The following PACSIN2 variants were observed in gnomAD, a reference collection of about 807,000 sequenced individuals.
PACSIN2 encodes the protein protein kinase C and casein kinase substrate in neurons 2, also known as protein kinase C and casein kinase substrate in neurons protein 2.
PACSIN2 carries 25 observed loss-of-function variants against 63.8 expected under a neutral mutation model. The observed-to-expected ratio is 0.39, with a 90% CI of 0.29 to 0.55. The LOEUF is 0.55. PACSIN2 is among the 20% of genes least tolerant of loss of function. The probability of loss-of-function intolerance (pLI) is 0.62; values close to 1 mark genes in which losing one functional copy is unlikely to be tolerated. For synonymous variants in PACSIN2, 255 were observed against 256.2 expected (o/e 1.00, Z 0.05); for missense variants, 518 against 646.9 (o/e 0.80, Z 2.16).
rs1930078893 is a variant in PACSIN2 at position 42,893,623 on chromosome 22, AG to A, written c.61-11del. 23 of 1,610,072 alleles carry A rather than the reference AG, an allele frequency of 1.4e-5. No individual in the cohort carries two copies. The highest frequency in any genetic ancestry group is 1.9e-5 in the Non-Finnish European group (22 of 1,176,798). On this transcript the variant is annotated splice_polypyrimidine_tract_variant and intron_variant, in intron 2 of 10. Coordinates refer to ENST00000263246, the MANE Select transcript of PACSIN2 (RefSeq NM_001184970.3). ...GCTTGTAGTTCCCGACCTAGGAGAG[AG>A]AACCAGCTGGGAGGCAGGGGGCTTG... is the stretch of plus-strand genomic sequence containing the variant.
At chr22:42,979,705 G>A (rs1342887545) in intron 1 of PACSIN2, among the ~76,000 whole-genome samples, 2 of 152,036 alleles carry the variant, frequency 1.3e-5, no homozygotes, top group African/African-American at 2.4e-5. Flanking sequence ...GGCACCTGCC[G>A]CTTTCTAACT....
intron 1 of PACSIN2, among the ~76,000 whole-genome samples, chr22:43,014,441 C>T (rs9611985): frequency 0.61 from 91,200 of 149,160 alleles, 28,523 homozygotes; most frequent in East Asian, 0.81. Context: ...CCGAAATCAG[C>T]GCACCCGCGT....
chr22:42,888,885 G>A (rs1929691426), intron 4 of PACSIN2, 87 bp from the exon 5 acceptor site: 12 of 1,384,756 alleles, frequency 8.7e-6, no homozygotes, highest in Non-Finnish European at 1.2e-5. Flanking sequence ...GAATGCTTGT[G>A]CTACCAAGAG....
At chr22:42,948,699 T>C (rs1372406556) in intron 1 of PACSIN2, among the ~76,000 whole-genome samples, 1 of 152,158 alleles carries the variant, frequency 6.6e-6, no homozygotes, top group Non-Finnish European at 1.5e-5. Flanking sequence ...TTTCAAATAT[T>C]TTCTGGGCAT....
intron 1 of PACSIN2, among the ~76,000 whole-genome samples, chr22:42,938,142 G>A (rs1932990845): frequency 6.6e-6 from 1 of 152,174 alleles, no homozygotes; most frequent in Non-Finnish European, 1.5e-5. Context: ...ATCACTTGAG[G>A]TAAGTTTGGG....
intron 1 of PACSIN2, among the ~76,000 whole-genome samples, chr22:42,980,199 T>C (rs1365333034): frequency 1.3e-5 from 2 of 152,262 alleles, no homozygotes; most frequent in East Asian, 1.9e-4. Context: ...AAGTTCTCAA[T>C]TGTCATTAAG....
At chr22:42,898,649 A>G (rs1930462627) in intron 2 of PACSIN2, among the ~76,000 whole-genome samples, 1 of 151,764 alleles carries the variant, frequency 6.6e-6, no homozygotes, top group African/African-American at 2.4e-5. Flanking sequence ...CATCCCTCAC[A>G]ATCAAGCTCT....
chr22:43,015,135 C>T lies in PACSIN2; in HGVS notation c.-192G>A, dbSNP rs528302782. ...AGCACTGCCCAGCCCTGCCCAGACC[C>T]CTGCGGCCGCTTCTGCCGCCAGCCG... On this transcript the variant is annotated 5_prime_UTR_variant, in exon 1 of 11. Transcript: ENST00000263246. 6.5e-6 allele frequency: 1 copy of T among 152,880 alleles called. No homozygotes were observed. The highest frequency in any genetic ancestry group is 1.9e-4 in the East Asian group (1 of 5,182). The allele number at this position is 152,880 out of a possible 1,614,324, so 9.5% of individuals were successfully genotyped here.
At chr22:43,012,419 T>C (rs952797865) in intron 1 of PACSIN2, among the ~76,000 whole-genome samples, 2 of 152,060 alleles carry the variant, frequency 1.3e-5, no homozygotes, top group Non-Finnish European at 2.9e-5. Flanking sequence ...AAGTTCATGT[T>C]ATCTCCCTGC....
chr22:42,988,243 G>C (rs1371009422), intron 1 of PACSIN2, among the ~76,000 whole-genome samples: 1 of 152,214 alleles, frequency 6.6e-6, no homozygotes, highest in Non-Finnish European at 1.5e-5. Context: ...GGAGAAGATA[G>C]TCTCTGAACA....
At chr22:42,985,354 G>C (rs987024698) in intron 1 of PACSIN2, among the ~76,000 whole-genome samples, 1 of 152,172 alleles carries the variant, frequency 6.6e-6, no homozygotes, top group Non-Finnish European at 1.5e-5. Context: ...TCTCTGGATG[G>C]GGTGCTCACC....
At chr22:42,911,806 A>G (rs1336192397) in intron 2 of PACSIN2, among the ~76,000 whole-genome samples, 1 of 152,228 alleles carries the variant, frequency 6.6e-6, no homozygotes, top group African/African-American at 2.4e-5. Flanking sequence ...TAGCAAGGTA[A>G]GTTCACTGCC....
chr22:42,891,270 T>G lies in PACSIN2; in HGVS notation c.218-88A>C, dbSNP rs916355572. 1.1e-5 allele frequency: 9 copies of G among 783,464 alleles called. No individual in the cohort carries two copies. In the African/African-American group the frequency reaches 1.6e-4, roughly 13 times the overall value. The allele number at this position is 783,464 out of a possible 1,614,324, so 48.5% of individuals were successfully genotyped here. On this transcript the variant is annotated intron_variant, in intron 3 of 10. Coordinates refer to ENST00000263246, the MANE Select transcript of PACSIN2 (RefSeq NM_001184970.3). Reference sequence around the variant, plus strand: ...ACACCTCGGCTGTTCAATGTGGCCATTTAGACCACAGAGGGTTTCCTTTCA... The same window carrying G: ...ACACCTCGGCTGTTCAATGTGGCCAGTTAGACCACAGAGGGTTTCCTTTCA...
chr22:42,994,926 C>T (rs537083204), intron 1 of PACSIN2, among the ~76,000 whole-genome samples: 9 of 152,310 alleles, frequency 5.9e-5, no homozygotes, highest in African/African-American at 1.9e-4. Flanking sequence ...CCACCCCAAG[C>T]CCCAGTCTCT....
chr22:42,897,589 C>G (rs1930378194), intron 2 of PACSIN2, among the ~76,000 whole-genome samples: 1 of 152,232 alleles, frequency 6.6e-6, no homozygotes, highest in South Asian at 2.1e-4. Flanking sequence ...TCACTCCACT[C>G]AGAAACTAAG....
chr22:42,956,398 C>T (rs1359269378), intron 1 of PACSIN2, among the ~76,000 whole-genome samples: 1 of 152,178 alleles, frequency 6.6e-6, no homozygotes, highest in African/African-American at 2.4e-5. Context: ...TACTTGGTGT[C>T]AAGGCAGAAC....
At chr22:43,014,046 C>T (rs1025283357) in intron 1 of PACSIN2, among the ~76,000 whole-genome samples, 1 of 152,166 alleles carries the variant, frequency 6.6e-6, no homozygotes, top group Non-Finnish European at 1.5e-5. Flanking sequence ...GACCAACCAA[C>T]TCCTTCTGAA....
intron 10 of PACSIN2, among the ~76,000 whole-genome samples, chr22:42,874,477 G>A (rs898042019): frequency 3.3e-5 from 5 of 152,194 alleles, no homozygotes; most frequent in Non-Finnish European, 5.9e-5. Flanking sequence ...ATATGTGTGT[G>A]GGTTGGTGTG....
At chr22:42,913,955 TAAAC>T (rs1240417334) in intron 1 of PACSIN2, among the ~76,000 whole-genome samples, 1 of 152,182 alleles carries the variant, frequency 6.6e-6, no homozygotes, top group Non-Finnish European at 1.5e-5. Flanking sequence ...CTCCTAAAGG[TAAAC>T]ACACTGCTGT....
Sources: gnomAD v4.1 joint callset for allele counts (sites outside exome capture counted in the v4.1 genomes callset) on GRCh38, gnomAD v4.1.1 for gene constraint, MANE v1.5 for transcripts, NCBI Gene and HGNC (gene_info 2026-07-23, HGNC 2026-07-21) for gene names.